CAMKMT: variants seen among roughly 807,000 people sequenced by gnomAD.
CAMKMT encodes the protein CaM KMT.
Under a neutral mutation model 48.0 loss-of-function variants are expected in CAMKMT, and 53 were observed. The ratio of observed to expected loss-of-function variants is 1.10; its 90% CI spans 0.89 to 1.39. CAMKMT has a LOEUF of 1.39. Ranked by LOEUF, CAMKMT falls within the 40% of genes most tolerant of loss-of-function variation. CAMKMT has a pLI of 0.00. For missense variants in CAMKMT, 428 were observed against 402.7 expected (o/e 1.06, Z -0.54); for synonymous variants, 165 against 152.3 (o/e 1.08, Z -0.61).
chr2:44,768,362 T>TATATATATATATATATATATATA (rs1491157479), intron 10 of CAMKMT, among the ~76,000 whole-genome samples: 9 of 74,284 alleles, frequency 1.2e-4, no homozygotes, highest in Non-Finnish European at 1.5e-4. Context: ...TATATATATA[T>TATATATATATATATATATATATA]TTTTTTTTTT....
intron 3 of CAMKMT, among the ~76,000 whole-genome samples, chr2:44,519,181 G>A (rs1004965818): frequency 6.6e-6 from 1 of 152,178 alleles, no homozygotes; most frequent in Admixed American, 6.5e-5. Context: ...TGCTGCTATT[G>A]TGTATCTCAG....
At chr2:44,504,927 G>A (rs1670183967) in intron 3 of CAMKMT, among the ~76,000 whole-genome samples, 1 of 152,136 alleles carries the variant, frequency 6.6e-6, no homozygotes, top group Admixed American at 6.6e-5. Context: ...TCTGCTTCTG[G>A]TGATGGCCTC....
chr2:44,588,269 C>T (rs1670007625), intron 3 of CAMKMT, among the ~76,000 whole-genome samples: 1 of 39,652 alleles, frequency 2.5e-5, no homozygotes, highest in Non-Finnish European at 5.8e-5. Context: ...AAGTGAGGAG[C>T]GTCTCCGCCC....
chr2:44,470,017 A>G (rs1551882), intron 3 of CAMKMT, among the ~76,000 whole-genome samples: 11,154 of 151,848 alleles, frequency 0.073, 464 homozygotes, highest in South Asian at 0.13. Flanking sequence ...GATTTTCTAT[A>G]TAGATATTTT....
chr2:44,648,302 G>A (rs1378629262), intron 3 of CAMKMT, among the ~76,000 whole-genome samples: 1 of 152,182 alleles, frequency 6.6e-6, no homozygotes, highest in African/African-American at 2.4e-5. Context: ...GAGGACTGGA[G>A]TTTGGTGGTG....
chr2:44,415,762 G>A (rs975078767), intron 3 of CAMKMT, among the ~76,000 whole-genome samples: 13 of 152,052 alleles, frequency 8.5e-5, no homozygotes, highest in African/African-American at 2.7e-4. Flanking sequence ...GAAATCCCTG[G>A]GTGGGAAGTG....
rs113653993 is a variant in CAMKMT at position 44,407,936 on chromosome 2, A to G, written c.376+17631A>G. 2.5e-3 allele frequency among the ~76,000 whole-genome samples: 383 copies of G among 152,212 alleles called. 1 individual carries two copies. In the Middle Eastern group the frequency reaches 0.027, roughly 11 times the overall value. On this transcript the variant is annotated intron_variant, in intron 3 of 10. Transcript: ENST00000378494. Reference sequence around the variant, plus strand: ...CTCAACTGTAATAGTAAGTTGTACTAATAGATTTCCCAGTATACTGGGAAT... The same window carrying G: ...CTCAACTGTAATAGTAAGTTGTACTGATAGATTTCCCAGTATACTGGGAAT...
chr2:44,680,032 A>G (rs1000944316), intron 3 of CAMKMT, among the ~76,000 whole-genome samples: 1 of 152,248 alleles, frequency 6.6e-6, no homozygotes, highest in Non-Finnish European at 1.5e-5. Flanking sequence ...TACTCCTAGC[A>G]AATGTCTGAA....
chr2:44,617,405 C>T (rs1325241098), intron 3 of CAMKMT, among the ~76,000 whole-genome samples: 1 of 152,084 alleles, frequency 6.6e-6, no homozygotes, highest in East Asian at 1.9e-4. Flanking sequence ...GGGAAGAGAC[C>T]CCATGTATGC....
At chr2:44,757,805 A>AC (rs967152792) in intron 9 of CAMKMT, among the ~76,000 whole-genome samples, 4 of 151,708 alleles carry the variant, frequency 2.6e-5, no homozygotes, top group Non-Finnish European at 4.4e-5. Context: ...CTCGTGATCC[A>AC]CCCCTGCCCC....
At chr2:44,649,402 T>TG (rs1221911332) in intron 3 of CAMKMT, among the ~76,000 whole-genome samples, 3 of 152,012 alleles carry the variant, frequency 2.0e-5, no homozygotes, top group African/African-American at 7.2e-5. Context: ...AGTTGGATAA[T>TG]TGCAATATGA....
intron 3 of CAMKMT, among the ~76,000 whole-genome samples, chr2:44,691,113 G>C (rs1343649415): frequency 6.6e-6 from 1 of 152,222 alleles, no homozygotes; most frequent in Non-Finnish European, 1.5e-5. Context: ...CGGGGAAGGA[G>C]AAGTTAAATG....
intron 3 of CAMKMT, among the ~76,000 whole-genome samples, chr2:44,582,779 T>C (rs1409381286): frequency 6.6e-6 from 1 of 152,180 alleles, no homozygotes; most frequent in Non-Finnish European, 1.5e-5. Context: ...TTTAGTAGTT[T>C]CCCTCTCTGT....
At chr2:44,419,896 G>T (rs1386590784) in intron 3 of CAMKMT, among the ~76,000 whole-genome samples, 1 of 151,994 alleles carries the variant, frequency 6.6e-6, no homozygotes, top group Non-Finnish European at 1.5e-5. Context: ...TTCTTCTGTG[G>T]TTGCTAATAT....
rs1051116710 is a variant in CAMKMT at position 44,583,650 on chromosome 2, G to A, written c.377-120633G>A. 3.3e-5 allele frequency among the ~76,000 whole-genome samples: 5 copies of A among 152,092 alleles called. No homozygotes were observed. In the East Asian group the frequency reaches 9.7e-4, roughly 29 times the overall value. On this transcript the variant is annotated intron_variant, in intron 3 of 10. Transcript: ENST00000378494. The stretch of plus-strand genomic sequence containing the variant: ...TGTCTCTACAAAAAATAAAAAAATA[G>A]CTGGGCATGGTGGCACACGCCTGTA...
chr2:44,480,565 CTG>C (rs1215672055), intron 3 of CAMKMT, among the ~76,000 whole-genome samples: 6 of 152,238 alleles, frequency 3.9e-5, no homozygotes, highest in African/African-American at 1.4e-4. Flanking sequence ...TATCCAGAAA[CTG>C]TATTATGATC....
At chr2:44,470,018 T>C (rs1273734701) in intron 3 of CAMKMT, among the ~76,000 whole-genome samples, 1 of 152,144 alleles carries the variant, frequency 6.6e-6, no homozygotes, top group Non-Finnish European at 1.5e-5. Flanking sequence ...ATTTTCTATA[T>C]AGATATTTTC....
At chr2:44,465,275 G>T (rs1025228148) in intron 3 of CAMKMT, among the ~76,000 whole-genome samples, 2 of 151,868 alleles carry the variant, frequency 1.3e-5, no homozygotes, top group Non-Finnish European at 2.9e-5. Context: ...AAAAAAATGA[G>T]AACAGAATAA....
In CAMKMT at chr2:44,390,236, T is replaced by G. The variant is rs1271779474; in HGVS notation, c.312-5T>G. On this transcript the variant is annotated splice_region_variant and splice_polypyrimidine_tract_variant and intron_variant, in intron 2 of 10. Transcript: ENST00000378494. The stretch of plus-strand genomic sequence containing the variant: ...CATTAAAGCAAACGCTTTACTCCTT[T>G]CTAGGCATAATAGTGGATCCTTGAA... The G allele has an allele frequency of 3.4e-5, 54 of 1,602,838 alleles. No individual in the cohort carries two copies. Among genetic ancestry groups the G allele is most frequent in the Non-Finnish European group, 4.3e-5 (50 of 1,176,004 alleles).
Sources: allele counts gnomAD v4.1 joint callset (sites outside exome capture counted in the v4.1 genomes callset), GRCh38; gene constraint gnomAD v4.1.1; transcripts MANE v1.5; gene names NCBI Gene and HGNC (gene_info 2026-07-23, HGNC 2026-07-21).